MAOA: variants seen among roughly 807,000 people sequenced by gnomAD.
MAOA encodes amine oxidase [flavin-containing] A.
A neutral mutation model predicts 42.0 loss-of-function variants in MAOA; 6 were observed. The observed-to-expected ratio is 0.14, with a 90% confidence interval of 0.08 to 0.28. The LOEUF is 0.28. Ranked by LOEUF, MAOA falls within the 10% of genes least tolerant of loss-of-function variation. The pLI is 1.00. For synonymous variants in MAOA, 140 were observed against 154.0 expected, an observed-to-expected ratio of 0.91 and a Z score of 0.67; for missense variants, 262 against 422.3, an observed-to-expected ratio of 0.62 and a Z score of 3.33.
intron 2 of MAOA, among the ~76,000 whole-genome samples, chrX:43,690,052 G>GA (rs989193129): frequency 1.5e-4 from 16 of 109,227 alleles, no homozygotes; most frequent in African/African-American, 5.0e-4. Context: ...CTTTTCTTTG[G>GA]TATACTGCAG....
At chrX:43,719,466 G>A (rs1292280231) in intron 5 of MAOA, among the ~76,000 whole-genome samples, 1 of 111,440 alleles carries the variant, frequency 9.0e-6, no homozygotes, top group East Asian at 2.8e-4. Context: ...GGTGGATGGT[G>A]TAGCAGGATG....
chrX:43,729,731 G>T (rs1014507323), intron 6 of MAOA, among the ~76,000 whole-genome samples: 1 of 111,386 alleles, frequency 9.0e-6, no homozygotes, highest in African/African-American at 3.3e-5. Context: ...TTCCGCCTCA[G>T]CCTCTCAAAG....
At chrX:43,690,296 C>G (rs1158267808) in intron 2 of MAOA, among the ~76,000 whole-genome samples, 1 of 109,403 alleles carries the variant, frequency 9.1e-6, no homozygotes, top group East Asian at 2.8e-4. Flanking sequence ...CACTCTTTAA[C>G]TATGTCAAAT....
chrX:43,718,235 A>G (rs1163149052), intron 5 of MAOA, among the ~76,000 whole-genome samples: 1 of 106,007 alleles, frequency 9.4e-6, no homozygotes, highest in African/African-American at 3.5e-5. Flanking sequence ...GCAGGGGGAG[A>G]CAGGGTACAT....
intron 10 of MAOA, among the ~76,000 whole-genome samples, chrX:43,740,278 C>A (rs2033949752): frequency 8.9e-6 from 1 of 111,978 alleles, no homozygotes; most frequent in Non-Finnish European, 1.9e-5. Context: ...ATCACTTATA[C>A]TATAGACTTA....
chrX:43,684,874 C>CTTTTTTTTTTTTTTTTTTT (rs201207592), intron 2 of MAOA, among the ~76,000 whole-genome samples: 9 of 59,603 alleles, frequency 1.5e-4, no homozygotes, highest in African/African-American at 2.9e-4. Flanking sequence ...CTTTTCTTTT[C>CTTTTTTTTTTTTTTTTTTT]TTTTTTTTTT....
chrX:43,656,253 G>C, upstream of MAOA: 6 of 846,044 alleles, frequency 7.1e-6, no homozygotes, highest in Non-Finnish European at 1.0e-5. Flanking sequence ...CCGCCCCCGG[G>C]CTCCCCGGGG....
intron 3 of MAOA, among the ~76,000 whole-genome samples, chrX:43,711,053 A>G (rs1034317647): frequency 4.5e-5 from 5 of 111,601 alleles, no homozygotes; most frequent in Non-Finnish European, 9.4e-5. Flanking sequence ...TATGTGGGTG[A>G]CCCACTCCAT....
intron 3 of MAOA, among the ~76,000 whole-genome samples, chrX:43,707,900 A>C (rs2033669775): frequency 8.9e-6 from 1 of 111,953 alleles, no homozygotes; most frequent in Admixed American, 9.4e-5. Context: ...TCAAATATAA[A>C]AGTACAGAGA....
intron 2 of MAOA, among the ~76,000 whole-genome samples, chrX:43,690,449 A>G (rs1343097456): frequency 1.8e-5 from 2 of 111,719 alleles, no homozygotes; most frequent in Admixed American, 1.9e-4. Flanking sequence ...TATTTAAAAT[A>G]TATTGCATAG....
At chrX:43,660,895 C>G (rs984566605) in intron 1 of MAOA, among the ~76,000 whole-genome samples, 1 of 111,632 alleles carries the variant, frequency 9.0e-6, no homozygotes, top group African/African-American at 3.3e-5. Flanking sequence ...TGAAATGGTT[C>G]TCTTTAGTAG....
intron 2 of MAOA, among the ~76,000 whole-genome samples, chrX:43,692,855 G>C (rs1026989142): frequency 2.7e-5 from 3 of 111,969 alleles, no homozygotes; most frequent in Admixed American, 9.5e-5. Flanking sequence ...TTTCCTGGAA[G>C]TGTTTTAAAA....
At chrX:43,696,393 C>T (rs1055899204) in intron 3 of MAOA, among the ~76,000 whole-genome samples, 1 of 112,071 alleles carries the variant, frequency 8.9e-6, no homozygotes, top group Non-Finnish European at 1.9e-5. Context: ...GACTTGGTAG[C>T]CCGAGGCTGC....
intron 3 of MAOA, among the ~76,000 whole-genome samples, chrX:43,695,492 A>T (rs1377729605): frequency 2.7e-5 from 3 of 111,497 alleles, no homozygotes; most frequent in Non-Finnish European, 5.6e-5. Context: ...GCCCTTTGGG[A>T]GGCCAAGGCG....
chrX:43,741,868 T>C, intron 11 of MAOA, 82 bp from the exon 12 acceptor site: 1 of 1,183,975 alleles, frequency 8.4e-7, no homozygotes, highest in Non-Finnish European at 1.1e-6. Flanking sequence ...ATGTAAACTT[T>C]TTGTTAAAGC....
At chrX:43,729,724 C>T (rs978965982) in intron 6 of MAOA, among the ~76,000 whole-genome samples, 3 of 111,361 alleles carry the variant, frequency 2.7e-5, no homozygotes, top group African/African-American at 6.5e-5. Context: ...GCAGTCCTTC[C>T]GCCTCAGCCT....
chrX:43,668,261 T>C (rs2033299582), intron 1 of MAOA, among the ~76,000 whole-genome samples: 1 of 112,661 alleles, frequency 8.9e-6, no homozygotes, highest in African/African-American at 3.2e-5. Flanking sequence ...TTGAAAGGCA[T>C]TTACATTTCT....
At chrX:43,732,948 A>G (rs1222745414) in intron 9 of MAOA, among the ~76,000 whole-genome samples, 153 bp downstream of exon 9, 13 of 112,560 alleles carry the variant, frequency 1.2e-4, no homozygotes, top group Admixed American at 1.0e-3. Context: ...ATATTGCAGT[A>G]ATGTTTCGTA....
chrX:43,720,818 C>T (rs1349385184), intron 5 of MAOA, among the ~76,000 whole-genome samples: 1 of 109,462 alleles, frequency 9.1e-6, no homozygotes, highest in Non-Finnish European at 1.9e-5. Flanking sequence ...AATGATATCC[C>T]CAAATCACCC....
Sources: allele counts gnomAD v4.1 joint callset (sites outside exome capture counted in the v4.1 genomes callset), GRCh38; gene constraint gnomAD v4.1.1; transcripts MANE v1.5; gene names NCBI Gene and HGNC (gene_info 2026-07-23, HGNC 2026-07-21).